Variants in ZEB1 observed in about 807,000 individuals in gnomAD.
The protein encoded by ZEB1 is zinc finger E-box binding homeobox 1.
In ZEB1, 21 loss-of-function variants were observed where a neutral mutation model predicts 84.9. The observed-to-expected ratio is 0.25, with a 90% CI of 0.18 to 0.36. The LOEUF (loss-of-function observed/expected upper bound fraction) is 0.36. Ranked by LOEUF, ZEB1 falls within the 10% of genes least tolerant of loss-of-function variation. The probability of loss-of-function intolerance (pLI) is 1.00; values close to 1 mark genes in which losing one functional copy is unlikely to be tolerated. For missense variants in ZEB1, 1,104 were observed against 1,330.2 expected, an observed-to-expected ratio of 0.83 and a Z score of 2.65; for synonymous variants, 420 against 471.1, an observed-to-expected ratio of 0.89 and a Z score of 1.41.
intron 2 of ZEB1, among the ~76,000 whole-genome samples, chr10:31,479,354 C>G (rs1026978678): frequency 6.6e-6 from 1 of 151,840 alleles, no homozygotes; most frequent in African/African-American, 2.4e-5. Flanking sequence ...CAGTTCTTCT[C>G]AAATTCTTCT....
At chr10:31,461,016 T>G in intron 1 of ZEB1, 21 bp from the exon 2 acceptor site, 1 of 1,598,710 alleles carries the variant, frequency 6.3e-7, no homozygotes, top group Non-Finnish European at 8.6e-7. Context: ...TTTGATTATT[T>G]GTTTCTTGTT....
At chr10:31,496,618 C>T (rs146603599) in intron 3 of ZEB1, among the ~76,000 whole-genome samples, 328 of 152,102 alleles carry the variant, frequency 2.2e-3, no homozygotes, top group African/African-American at 7.6e-3. Context: ...AAAACATTTC[C>T]TCAAAATATT....
chr10:31,473,938 T>G (rs2063669254), intron 2 of ZEB1, among the ~76,000 whole-genome samples: 1 of 151,772 alleles, frequency 6.6e-6, no homozygotes, highest in Non-Finnish European at 1.5e-5. Flanking sequence ...TTGACAAACC[T>G]GAGAAAAACA....
At chr10:31,358,789 A>G (rs1220288117) in intron 1 of ZEB1, among the ~76,000 whole-genome samples, 1 of 152,196 alleles carries the variant, frequency 6.6e-6, no homozygotes, top group African/African-American at 2.4e-5. Context: ...TAACCAGCCA[A>G]CCATATATCT....
intron 1 of ZEB1, among the ~76,000 whole-genome samples, chr10:31,364,927 A>G (rs944403241): frequency 1.3e-5 from 2 of 152,196 alleles, no homozygotes; most frequent in African/African-American, 4.8e-5. Flanking sequence ...CGAGTTGACC[A>G]TGGCATGCTC....
intron 1 of ZEB1, among the ~76,000 whole-genome samples, chr10:31,337,960 G>A (rs960279073): frequency 1.2e-3 from 187 of 152,188 alleles, no homozygotes; most frequent in African/African-American, 4.3e-3. Flanking sequence ...TGGGATTACA[G>A]GCATGAGACA....
intron 1 of ZEB1, among the ~76,000 whole-genome samples, chr10:31,360,365 C>A (rs114515801): frequency 0.019 from 2,867 of 152,194 alleles, 88 homozygotes; most frequent in African/African-American, 0.064. Flanking sequence ...CTATCTCTCA[C>A]GGTTGTAAGG....
rs138537902 is a variant in ZEB1 at position 31,463,563 on chromosome 10, G to A, written c.259+2326G>A. On this transcript the variant is annotated intron_variant, in intron 2 of 8. Coordinates refer to ENST00000424869, the MANE Select transcript of ZEB1 (RefSeq NM_001174096.2). ...TTAATAGCAGTATGGATTATGTCTC[G>A]ACTGTGAGGATGAACTAAAAGCAAA... is the stretch of plus-strand genomic sequence containing the variant. Among the ~76,000 whole-genome samples the A allele has an allele frequency of 3.2e-3, 482 of 152,250 alleles. 5 individuals are homozygous for A. The highest frequency in any genetic ancestry group is 0.011 in the African/African-American group (449 of 41,568).
At chr10:31,495,503 G>GA (rs1389211853) in intron 2 of ZEB1, among the ~76,000 whole-genome samples, 3 of 151,864 alleles carry the variant, frequency 2.0e-5, no homozygotes, top group Non-Finnish European at 4.4e-5. Context: ...TTCATAAAAG[G>GA]AAAAAATCCA....
chr10:31,444,531 G>C (rs898305355), intron 1 of ZEB1, among the ~76,000 whole-genome samples: 22 of 151,012 alleles, frequency 1.5e-4, no homozygotes, highest in African/African-American at 5.3e-4. Context: ...TTCTTCTAGG[G>C]TTTTTATGGT....
chr10:31,321,470 C>T lies in ZEB1; in HGVS notation c.58+2178C>T, dbSNP rs368593291. 5.0e-5 allele frequency: 81 copies of T among 1,613,812 alleles called. No homozygotes were observed. In the East Asian group the frequency reaches 8.5e-4, roughly 17 times the overall value. ...TTGCAATTTTAATTTCCTGTTTTAG[C>T]GTCAAATAGTGTGTGTTCCATATTG... On this transcript the variant is annotated intron_variant, in intron 1 of 8. Transcript: ENST00000424869.
intron 1 of ZEB1, among the ~76,000 whole-genome samples, chr10:31,343,301 G>T (rs1397617184): frequency 6.6e-6 from 1 of 151,996 alleles, no homozygotes; most frequent in Non-Finnish European, 1.5e-5. Context: ...TTTTAGAGAT[G>T]ATTCAATCTG....
At chr10:31,481,698 CA>C (rs1192477538) in intron 2 of ZEB1, among the ~76,000 whole-genome samples, 1 of 151,616 alleles carries the variant, frequency 6.6e-6, no homozygotes, top group African/African-American at 2.4e-5. Context: ...GAGAGCATGT[CA>C]AAAAAACACA....
chr10:31,433,523 A>C (rs1365913194), intron 1 of ZEB1, among the ~76,000 whole-genome samples: 2 of 152,206 alleles, frequency 1.3e-5, no homozygotes, highest in African/African-American at 4.8e-5. Flanking sequence ...TTCAAGTTAA[A>C]TAGATGTACC....
intron 1 of ZEB1, among the ~76,000 whole-genome samples, chr10:31,337,328 A>G (rs546869023): frequency 6.6e-6 from 1 of 152,260 alleles, no homozygotes; most frequent in Non-Finnish European, 1.5e-5. Flanking sequence ...GACACAGAGT[A>G]GATATCACAG....
chr10:31,455,322 C>T (rs2061076318), intron 1 of ZEB1, among the ~76,000 whole-genome samples: 1 of 152,070 alleles, frequency 6.6e-6, no homozygotes, highest in African/African-American at 2.4e-5. Flanking sequence ...AGAAGAAAAC[C>T]TGAGTAATCC....
In ZEB1 at chr10:31,510,723, G is replaced by A. The variant is rs1341362800; in HGVS notation, c.535G>A (p.Gly179Ser). ...QLLTCPYCDR[G>S]YKRFTSLKEH... ...ACTCACCTGTCCATATTGTGATAGA[G>A]GCTATAAACGCTTTACCTCTCTGAA... Residue 179 changes from glycine to serine, a missense_variant, in exon 5 of 9, where the codon GGC (glycine) becomes AGC (serine). By Grantham distance (56) the Gly-to-Ser change is moderately conservative. Coordinates refer to ENST00000424869, the MANE Select transcript of ZEB1 (RefSeq NM_001174096.2). 1.2e-6 allele frequency: 2 copies of A among 1,613,854 alleles called. No homozygotes were observed.
At chr10:31,357,119 A>G (rs890352208) in intron 1 of ZEB1, among the ~76,000 whole-genome samples, 3 of 152,214 alleles carry the variant, frequency 2.0e-5, no homozygotes, top group Admixed American at 1.3e-4. Flanking sequence ...GAATGCCAAA[A>G]GAAGGGAGGA....
intron 1 of ZEB1, among the ~76,000 whole-genome samples, chr10:31,396,010 T>G (rs534998647): frequency 6.6e-6 from 1 of 152,310 alleles, no homozygotes; most frequent in South Asian, 2.1e-4. Context: ...TTCTCTAGCT[T>G]TGGGCATTGT....
Sources: allele counts gnomAD v4.1 joint callset (sites outside exome capture counted in the v4.1 genomes callset), GRCh38; gene constraint gnomAD v4.1.1; transcripts MANE v1.5; gene names NCBI Gene and HGNC (gene_info 2026-07-23, HGNC 2026-07-21).